Variants in SS18 observed in about 807,000 individuals in gnomAD.
SS18 encodes SS18 subunit of BAF chromatin remodeling complex, also known as protein SSXT.
In SS18, 28 loss-of-function variants were observed where a neutral mutation model predicts 72.5. That is an observed-to-expected ratio of 0.39 (90% CI 0.29 to 0.53). The LOEUF is 0.53. Ranked by LOEUF, SS18 falls within the 20% of genes least tolerant of loss-of-function variation. The pLI is 0.76. For synonymous variants in SS18, 172 were observed against 164.2 expected, an observed-to-expected ratio of 1.05 and a Z score of -0.37; for missense variants, 518 against 535.3, an observed-to-expected ratio of 0.97 and a Z score of 0.32.
At chr18:26,027,498 AAAAT>A (rs983140246) in intron 10 of SS18, among the ~76,000 whole-genome samples, 4 of 151,480 alleles carry the variant, frequency 2.6e-5, no homozygotes, top group South Asian at 2.1e-4. Context: ...AATACAAATA[AAAAT>A]AAATAAATAA....
chr18:26,047,278 AAAAAG>A (rs2053841497), intron 5 of SS18, among the ~76,000 whole-genome samples: 1 of 147,750 alleles, frequency 6.8e-6, no homozygotes, highest in Non-Finnish European at 1.5e-5. Flanking sequence ...AAAAAAAAAA[AAAAAG>A]AAGAAGAAGA....
chr18:26,032,254 T>TA (rs2053556247), intron 10 of SS18, 145 bp downstream of exon 10: 4 of 908,768 alleles, frequency 4.4e-6, no homozygotes, highest in Non-Finnish European at 6.7e-6. Flanking sequence ...TCAAAAGTGA[T>TA]ACACTTTTTG....
chr18:26,069,158 C>T (rs1055374979), intron 3 of SS18, among the ~76,000 whole-genome samples: 2 of 152,108 alleles, frequency 1.3e-5, no homozygotes, highest in African/African-American at 4.8e-5. Flanking sequence ...CCATTGATAT[C>T]CTCCAATGTG....
intron 10 of SS18, among the ~76,000 whole-genome samples, chr18:26,031,669 G>A (rs1236847603): frequency 1.3e-5 from 2 of 152,086 alleles, no homozygotes; most frequent in Non-Finnish European, 2.9e-5. Context: ...ATGAACACTG[G>A]GTTCAAGGGA....
intron 4 of SS18, 53 bp downstream of exon 4, chr18:26,057,536 G>A (rs963377646): frequency 1.3e-5 from 21 of 1,606,480 alleles, no homozygotes; most frequent in Non-Finnish European, 1.4e-5. Context: ...CCCCCATGTC[G>A]TTTCAGTTGC....
At chr18:26,020,225 T>G (rs975800733) in intron 10 of SS18, among the ~76,000 whole-genome samples, 1 of 152,218 alleles carries the variant, frequency 6.6e-6, no homozygotes. Context: ...ACTCGGTTTC[T>G]TCAATCATCA....
At chr18:26,023,045 G>C (rs2053380014) in intron 10 of SS18, among the ~76,000 whole-genome samples, 1 of 152,148 alleles carries the variant, frequency 6.6e-6, no homozygotes. Flanking sequence ...CAAACTGTTT[G>C]TAACTTATTA....
At chr18:26,051,572 C>G (rs961718576) in intron 5 of SS18, among the ~76,000 whole-genome samples, 2 of 152,126 alleles carry the variant, frequency 1.3e-5, no homozygotes, top group African/African-American at 4.8e-5. Flanking sequence ...CTCCTGGTAA[C>G]CAAACTGTAT....
chr18:26,026,379 CAAACT>C (rs1598527128), intron 10 of SS18, among the ~76,000 whole-genome samples: 1 of 152,072 alleles, frequency 6.6e-6, no homozygotes, highest in Non-Finnish European at 1.5e-5. Context: ...CAAAAATTAG[CAAACT>C]AAAGAAGGAA....
chr18:26,043,467 T>G (rs2143915143), intron 5 of SS18, among the ~76,000 whole-genome samples: 1 of 152,328 alleles, frequency 6.6e-6, no homozygotes, highest in East Asian at 1.9e-4. Flanking sequence ...ATTTTACTAT[T>G]TGTTCCTTAA....
intron 2 of SS18, among the ~76,000 whole-genome samples, chr18:26,078,677 G>A (rs959042977): frequency 2.0e-5 from 3 of 152,160 alleles, no homozygotes; most frequent in Admixed American, 6.5e-5. Context: ...CTTGAGGTCA[G>A]GAGTTCAAGA....
chr18:26,040,775 T>C (rs182671840), intron 5 of SS18, among the ~76,000 whole-genome samples: 218 of 152,310 alleles, frequency 1.4e-3, no homozygotes, highest in African/African-American at 5.1e-3. Flanking sequence ...CCTTTTCAAT[T>C]TTATTCTCAT....
intron 3 of SS18, among the ~76,000 whole-genome samples, chr18:26,067,503 G>T (rs1166381647): frequency 1.3e-5 from 2 of 152,144 alleles, no homozygotes; most frequent in Non-Finnish European, 2.9e-5. Context: ...GTCCAAATGG[G>T]TATGTCTATT....
intron 5 of SS18, among the ~76,000 whole-genome samples, chr18:26,051,324 C>T (rs1333699191): frequency 6.6e-6 from 1 of 152,116 alleles, no homozygotes; most frequent in East Asian, 1.9e-4. Flanking sequence ...AAAGTTGGTC[C>T]CTAAGAACAA....
chr18:26,073,541 T>C (rs1208444299), intron 3 of SS18, among the ~76,000 whole-genome samples: 2 of 152,238 alleles, frequency 1.3e-5, no homozygotes, highest in African/African-American at 4.8e-5. Flanking sequence ...ACATTTATAA[T>C]GATGGTACAA....
upstream of SS18, chr18:26,090,775 T>C (rs2054713974): frequency 1.7e-6 from 1 of 599,658 alleles, no homozygotes; most frequent in Non-Finnish European, 2.9e-6. Context: ...GGGGGACCCC[T>C]AGCCCTGGCC....
At chr18:26,062,218 ACCACTACACT>A (rs1181179890) in intron 3 of SS18, among the ~76,000 whole-genome samples, 2 of 152,130 alleles carry the variant, frequency 1.3e-5, no homozygotes, top group Non-Finnish European at 2.9e-5. Flanking sequence ...CTAAGATCAC[ACCACTACACT>A]CCACCCTGGG....
chr18:26,017,983 C>CA lies in SS18; in HGVS notation c.*370dup, dbSNP rs1007820490. The CA allele has an allele frequency of 5.3e-5, 13 of 245,076 alleles. No individual in the cohort carries two copies. Among genetic ancestry groups the CA allele is most frequent in the Non-Finnish European group, 5.6e-5 (7 of 125,780 alleles). 15.2% of individuals were successfully genotyped at this position (245,076 alleles called of 1,614,324 possible). The stretch of plus-strand genomic sequence containing the variant: ...AGTGTACATTTCCCTCTTCCCCTTA[C>CA]AAAAAAATCTGTGGAAAAGTATTAA... On this transcript the variant is annotated 3_prime_UTR_variant, in exon 11 of 11. Coordinates refer to ENST00000415083, the MANE Select transcript of SS18 (RefSeq NM_001007559.3).
At chr18:26,083,349 G>C (rs1279154171) in intron 2 of SS18, among the ~76,000 whole-genome samples, 1 of 152,020 alleles carries the variant, frequency 6.6e-6, no homozygotes, top group Non-Finnish European at 1.5e-5. Flanking sequence ...ACTACCCTTG[G>C]CTCTGTGTGG....
Sources: gnomAD v4.1 joint callset for allele counts (sites outside exome capture counted in the v4.1 genomes callset) on GRCh38, gnomAD v4.1.1 for gene constraint, MANE v1.5 for transcripts, NCBI Gene and HGNC (gene_info 2026-07-23, HGNC 2026-07-21) for gene names.